Variants in FCRL1 observed in about 807,000 individuals in gnomAD.
FCRL1 encodes the protein Fc receptor-like protein 1.
In FCRL1, 34 loss-of-function variants were observed where a neutral mutation model predicts 49.2. The ratio of observed to expected loss-of-function variants is 0.69; its 90% confidence interval spans 0.53 to 0.92. The LOEUF is 0.92. Among genes scored for constraint, FCRL1 ranks in the 40% least tolerant of loss-of-function variants. The probability of loss-of-function intolerance (pLI) is 0.00; values close to 1 mark genes in which losing one functional copy is unlikely to be tolerated. For missense variants in FCRL1, 524 were observed against 524.1 expected (o/e 1.00, Z 0.00); for synonymous variants, 218 against 201.6 (o/e 1.08, Z -0.69).
rs541707047 is a variant in FCRL1, at chr1:157,798,186, C to T, written c.1089G>A (p.Gly363=). Residue 363 remains glycine (G), a synonymous_variant, in exon 8 of 11, where the codon GGG becomes GGA. Coordinates refer to ENST00000368176, the MANE Select transcript of FCRL1 (RefSeq NM_052938.5). The part of the protein sequence containing the change: ...EFTYLNSPTP[G]QLQPIYENVN... ...CATTTTCATATATAGGCTGTAGCTG[C>T]CCTGGGGTAGGTGAGTTGAGGTAGG... is the stretch of plus-strand genomic sequence containing the variant. 1.1e-5 allele frequency: 18 copies of T among 1,613,118 alleles called. No homozygotes were observed. The highest frequency in any genetic ancestry group is 2.2e-5 in the East Asian group (1 of 44,874).
At chr1:157,797,649 T>G (rs1651735158) in intron 9 of FCRL1, 8 of 1,221,514 alleles carry the variant, frequency 6.5e-6, no homozygotes, top group African/African-American at 1.5e-5. Context: ...TTTAAGAAAT[T>G]TGACAGCCCA....
chr1:157,806,392 C>A (rs763266882), intron 2 of FCRL1, among the ~76,000 whole-genome samples: 2 of 152,158 alleles, frequency 1.3e-5, no homozygotes, highest in East Asian at 1.9e-4. Flanking sequence ...ATTTTCTGCA[C>A]AAGATAGCAA....
chr1:157,799,741 T>C (rs1325931403), intron 7 of FCRL1, among the ~76,000 whole-genome samples: 1 of 151,958 alleles, frequency 6.6e-6, no homozygotes, highest in Non-Finnish European at 1.5e-5. Context: ...TGTATACATA[T>C]GTAACAAACC....
At chr1:157,811,914 G>T (rs1368537576) in intron 1 of FCRL1, among the ~76,000 whole-genome samples, 1 of 152,190 alleles carries the variant, frequency 6.6e-6, no homozygotes, top group Admixed American at 6.5e-5. Context: ...GGACAGCTGT[G>T]ATCCTGTCAC....
rs1424451136 is a variant in FCRL1, at chr1:157,797,890, C to CT, written c.1163dup (p.Pro389AlafsTer38). ...CACCTGCTACTGATTCCTGCTCCGG[C>CT]TGGTTATAGTACGCCAGTGAATAAA... On this transcript the variant is annotated frameshift_variant, in exon 9 of 11. Coordinates refer to ENST00000368176, the MANE Select transcript of FCRL1 (RefSeq NM_052938.5). LOFTEE classifies it high-confidence loss of function. 6.2e-7 allele frequency: 1 copy of CT among 1,614,040 alleles called. No homozygotes were observed. The highest frequency in any genetic ancestry group is 8.5e-7 in the Non-Finnish European group (1 of 1,180,036).
chr1:157,801,817 G>A (rs1652520719), intron 5 of FCRL1, 98 bp downstream of exon 5: 1 of 1,428,572 alleles, frequency 7.0e-7, no homozygotes, highest in East Asian at 2.3e-5. Context: ...CCCCACCATG[G>A]GTAGCAAACC....
chr1:157,819,283 C>T (rs2101920878), intron 1 of FCRL1, among the ~76,000 whole-genome samples: 1 of 137,560 alleles, frequency 7.3e-6, no homozygotes, highest in African/African-American at 2.7e-5. Context: ...GATAAGTCAT[C>T]AGGGTTGTGC....
chr1:157,795,978 T>A lies in FCRL1; in HGVS notation c.*121A>T. 7 of 838,146 alleles carry A rather than the reference T, an allele frequency of 8.4e-6. No homozygotes were observed. The highest frequency in any genetic ancestry group is 1.4e-5 in the Non-Finnish European group (7 of 497,470). The allele number at this position is 838,146 out of a possible 1,614,324, so 51.9% of individuals were successfully genotyped here. ...CACAGTAGATGAAGGAATAGTGCCATGGAGAATGGCATCCAGAAGAGGTAT... is the reference window on the plus strand; with the variant it reads ...CACAGTAGATGAAGGAATAGTGCCAAGGAGAATGGCATCCAGAAGAGGTAT... On this transcript the variant is annotated 3_prime_UTR_variant, in exon 11 of 11. Coordinates refer to ENST00000368176, the MANE Select transcript of FCRL1 (RefSeq NM_052938.5).
chr1:157,801,814 A>T, intron 5 of FCRL1, 101 bp downstream of exon 5: 1 of 1,409,448 alleles, frequency 7.1e-7, no homozygotes, highest in Non-Finnish European at 9.7e-7. Context: ...AGGCCCCACC[A>T]TGGGTAGCAA....
Position 157,804,031 on chromosome 1 carries a change from T to G in FCRL1, c.133A>C (p.Ser45Arg), listed in dbSNP as rs143748606. Residue 45 changes from serine to arginine, a missense_variant, in exon 3 of 11, where the codon AGT (serine) becomes CGT (arginine). By Grantham distance (110) the Ser-to-Arg change is moderately radical. Transcript: ENST00000368176. ...TLTCKMPFLQSSDAQFQFCFF... is the reference protein window; with the variant it reads ...TLTCKMPFLQRSDAQFQFCFF... The stretch of plus-strand genomic sequence containing the variant: ...CAGAACTGGAACTGGGCATCTGAAC[T>G]CTGTAGAAAGGGCATCTTACACGTC... 42 of 1,614,070 alleles carry G rather than the reference T, an allele frequency of 2.6e-5. No individual in the cohort carries two copies. The African/African-American group carries it at 5.2e-4, about 20-fold the overall frequency.
At chr1:157,817,424 G>A (rs566313638) in intron 1 of FCRL1, among the ~76,000 whole-genome samples, 40 of 152,142 alleles carry the variant, frequency 2.6e-4, no homozygotes, top group African/African-American at 9.1e-4. Context: ...TACACGATGT[G>A]GAAAGGACAG....
rs60359146 is a variant in FCRL1, at chr1:157,801,324, G to A, written c.1003+137C>T. 2,456 of 674,892 alleles carry A rather than the reference G, an allele frequency of 3.6e-3. 22 individuals carry two copies. Among genetic ancestry groups the A allele is most frequent in the African/African-American group, 0.029 (1,582 of 55,366 alleles). The allele number at this position is 674,892 out of a possible 1,614,324, so 41.8% of individuals were successfully genotyped here. A position where few individuals can be genotyped will look rare whatever the true frequency, so the allele number is the denominator to read the frequency against. ...GTATTAATAGGCACTGTTCCTACCC[G>A]CTGGCTTTGTGGGCAGAAACATAGG... On this transcript the variant is annotated intron_variant, in intron 6 of 10. Coordinates refer to ENST00000368176, the MANE Select transcript of FCRL1 (RefSeq NM_052938.5).
chr1:157,805,707 C>T (rs12741819), intron 2 of FCRL1, among the ~76,000 whole-genome samples: 31,913 of 152,086 alleles, frequency 0.21, 3,536 homozygotes, highest in Non-Finnish European at 0.24. Context: ...ACCAGCCTGG[C>T]CAACACGGCA....
chr1:157,799,966 GAA>G, intron 7 of FCRL1, 90 bp downstream of exon 7: 1 of 1,210,104 alleles, frequency 8.3e-7, no homozygotes, highest in Non-Finnish European at 1.1e-6. Context: ...AATAAAGCCG[GAA>G]AAAAAATGCT....
rs1652704350 is a variant in FCRL1 at position 157,802,533 on chromosome 1, C to T, written c.451G>A (p.Ala151Thr). 10 of 1,614,088 alleles carry T rather than the reference C, an allele frequency of 6.2e-6. No homozygotes were observed. The highest frequency in any genetic ancestry group is 5.5e-5 in the South Asian group (5 of 91,088). The change falls in exon 4 of 11, where the codon GCT (alanine) becomes ACT (threonine). Residue 151 changes from alanine (A) to threonine (T), a missense_variant. Coordinates refer to ENST00000368176, the MANE Select transcript of FCRL1 (RefSeq NM_052938.5). ...TTTGACTGAAGGTTTAAACCTACAG[C>T]CCCTTTGTACCAAAGGAAGGTGATG... ...GDITFLWYKG[A>T]VGLNLQSKTQ... is the part of the protein sequence containing the mutation.
chr1:157,811,494 A>G (rs1327913882), intron 1 of FCRL1, among the ~76,000 whole-genome samples: 1 of 152,174 alleles, frequency 6.6e-6, no homozygotes, highest in Non-Finnish European at 1.5e-5. Flanking sequence ...CCCCCATTAT[A>G]TCTGTGGACA....
At chr1:157,802,694 C>A (rs753991052) in intron 3 of FCRL1, 30 bp from the exon 4 acceptor site, 8 of 1,594,270 alleles carry the variant, frequency 5.0e-6, no homozygotes, top group Non-Finnish European at 3.4e-6. Flanking sequence ...CATAGGAAGA[C>A]CCTGTGCAGG....
At chr1:157,818,677 A>G (rs1161449147) in intron 1 of FCRL1, among the ~76,000 whole-genome samples, 1 of 152,142 alleles carries the variant, frequency 6.6e-6, no homozygotes, top group East Asian at 1.9e-4. Flanking sequence ...AAAATTGGGG[A>G]TGCCTGCTAG....
intron 9 of FCRL1, 124 bp downstream of exon 9, chr1:157,797,744 C>T (rs1185790655): frequency 6.3e-7 from 1 of 1,576,624 alleles, no homozygotes; most frequent in East Asian, 2.4e-5. Flanking sequence ...ATTAAGTACA[C>T]ACAGTGATGC....
Sources: gnomAD v4.1 joint callset for allele counts (sites outside exome capture counted in the v4.1 genomes callset) on GRCh38, gnomAD v4.1.1 for gene constraint, MANE v1.5 for transcripts, NCBI Gene and HGNC (gene_info 2026-07-23, HGNC 2026-07-21) for gene names.